The following NR5A2 variants were observed in gnomAD, a reference collection of about 807,000 sequenced individuals.
The protein encoded by NR5A2 is nuclear receptor subfamily 5 group A member 2.
In NR5A2, 26 loss-of-function variants were observed where a neutral mutation model predicts 62.7. The ratio of observed to expected loss-of-function variants is 0.41; its 90% confidence interval spans 0.30 to 0.58. NR5A2 has a LOEUF of 0.58. Among genes scored for constraint, NR5A2 ranks in the 20% least tolerant of loss-of-function variants. The probability of loss-of-function intolerance (pLI) is 0.22; values close to 1 mark genes in which losing one functional copy is unlikely to be tolerated. For missense variants in NR5A2, 541 were observed against 669.1 expected, an observed-to-expected ratio of 0.81 and a Z score of 2.11; for synonymous variants, 246 against 241.7, an observed-to-expected ratio of 1.02 and a Z score of -0.16.
chr1:200,136,443 C>A (rs1307395263), intron 7 of NR5A2, among the ~76,000 whole-genome samples: 2 of 152,184 alleles, frequency 1.3e-5, no homozygotes, highest in African/African-American at 4.8e-5. Context: ...ATCTTATTGT[C>A]CTGTATGAGC....
intron 5 of NR5A2, among the ~76,000 whole-genome samples, chr1:200,075,342 C>T (rs1663976665): frequency 6.6e-6 from 1 of 152,174 alleles, no homozygotes; most frequent in Admixed American, 6.5e-5. Context: ...CAGCAATATG[C>T]AAATTAATTT....
chr1:200,135,454 G>T (rs752188623), intron 7 of NR5A2, among the ~76,000 whole-genome samples: 7 of 151,754 alleles, frequency 4.6e-5, no homozygotes, highest in Non-Finnish European at 8.8e-5. Flanking sequence ...CTGGGAGGTG[G>T]AGGTTGCGGC....
chr1:200,114,425 C>T (rs749992567), intron 6 of NR5A2, among the ~76,000 whole-genome samples: 1 of 152,134 alleles, frequency 6.6e-6, no homozygotes, highest in African/African-American at 2.4e-5. Flanking sequence ...CTAGTGCAGA[C>T]CATGTGCTCT....
chr1:200,162,549 T>C (rs565535157), intron 7 of NR5A2, among the ~76,000 whole-genome samples: 16 of 152,180 alleles, frequency 1.1e-4, no homozygotes, highest in Non-Finnish European at 2.1e-4. Context: ...TGGATTCACA[T>C]TTAAAGTTAT....
chr1:200,159,989 A>C (rs1256470092), intron 7 of NR5A2, among the ~76,000 whole-genome samples: 1 of 152,092 alleles, frequency 6.6e-6, no homozygotes, highest in Non-Finnish European at 1.5e-5. Context: ...GCTGCTCTTT[A>C]GTTTCATGTA....
At chr1:200,100,363 A>G (rs1665309768) in intron 5 of NR5A2, among the ~76,000 whole-genome samples, 1 of 151,978 alleles carries the variant, frequency 6.6e-6, no homozygotes, top group South Asian at 2.1e-4. Context: ...AGTATTTTTA[A>G]CAGGATGTCT....
chr1:200,155,762 C>T (rs550735458), intron 7 of NR5A2, among the ~76,000 whole-genome samples: 1 of 152,158 alleles, frequency 6.6e-6, no homozygotes, highest in Non-Finnish European at 1.5e-5. Context: ...CAACCTCCAC[C>T]TTTTGGGTTC....
rs570458844 is a variant in NR5A2 at position 200,043,102 on chromosome 1, T to G, written c.203-672T>G. On this transcript the variant is annotated intron_variant, in intron 2 of 7. Transcript: ENST00000367362. ...CGTACGGGCGTCCTCTATTTTCTTT[T>G]TCCTTCTTTTTATTTTCACAGATTT... 5.9e-6 allele frequency: 4 copies of G among 678,838 alleles called. No homozygotes were observed. The African/African-American group carries it at 7.8e-5, about 13-fold the overall frequency. 42.1% of individuals were successfully genotyped at this position (678,838 alleles called of 1,614,324 possible).
At chr1:200,070,973 A>G (rs1371479548) in intron 5 of NR5A2, among the ~76,000 whole-genome samples, 3 of 152,214 alleles carry the variant, frequency 2.0e-5, no homozygotes, top group Non-Finnish European at 4.4e-5. Context: ...TATAAGAGAG[A>G]GTAAAAATGA....
chr1:200,162,342 A>G (rs1653680732), intron 7 of NR5A2, among the ~76,000 whole-genome samples: 1 of 152,084 alleles, frequency 6.6e-6, no homozygotes, highest in Non-Finnish European at 1.5e-5. Context: ...GAGATTGGTC[A>G]AAATTATCCA....
rs943481234 is a variant in NR5A2 at position 200,147,222 on chromosome 1, C to T, written c.1378+26267C>T. The stretch of plus-strand genomic sequence containing the variant: ...AATAGAGGGGGGCACCTCGCTGAAG[C>T]CAGCGAGGCCGCTGCACCACGTGGT... On this transcript the variant is annotated intron_variant, in intron 7 of 7. Coordinates refer to ENST00000367362, the MANE Select transcript of NR5A2 (RefSeq NM_205860.3). This position sits in a 1 kb window ranked among gnomAD's most constrained non-coding sequence, Gnocchi z 4.9. 1.1e-4 allele frequency among the ~76,000 whole-genome samples: 17 copies of T among 152,208 alleles called. No homozygotes were observed. The highest frequency in any genetic ancestry group is 2.6e-4 in the Admixed American group (4 of 15,284).
At chr1:200,047,332 C>A (rs3790840) in intron 4 of NR5A2, among the ~76,000 whole-genome samples, 26,139 of 152,046 alleles carry the variant, frequency 0.17, 2,519 homozygotes, top group African/African-American at 0.26. Context: ...TCCAGGTGAA[C>A]ATGATTTTCC....
intron 5 of NR5A2, among the ~76,000 whole-genome samples, chr1:200,083,459 A>C (rs1463228088): frequency 1.3e-5 from 2 of 152,216 alleles, no homozygotes; most frequent in Non-Finnish European, 2.9e-5. Flanking sequence ...TGTACATTTT[A>C]AAAACCATTT....
At chr1:200,036,714 T>C (rs1223989815) in intron 1 of NR5A2, among the ~76,000 whole-genome samples, 3 of 152,118 alleles carry the variant, frequency 2.0e-5, no homozygotes, top group Non-Finnish European at 4.4e-5. Flanking sequence ...GCGTTTCCCA[T>C]CGTCGAGTTA....
At position 200,048,941 on chromosome 1, in the gene NR5A2, C is replaced by G. The variant is rs1206135620; in HGVS notation, c.1110+123C>G. On this transcript the variant is annotated intron_variant, in intron 5 of 7. Coordinates refer to ENST00000367362, the MANE Select transcript of NR5A2 (RefSeq NM_205860.3). This position sits in a 1 kb window ranked among gnomAD's most constrained non-coding sequence, Gnocchi z 4.8. ...TTAATTTTCTACTTTGTATGATTTA[C>G]AGAGTAGACGTAATTTTATTACCTT... 2 of 1,234,970 alleles carry G rather than the reference C, an allele frequency of 1.6e-6. No individual in the cohort carries two copies. The highest frequency in any genetic ancestry group is 2.3e-5 in the Admixed American group (1 of 44,224). The allele number at this position is 1,234,970 out of a possible 1,614,324, so 76.5% of individuals were successfully genotyped here.
chr1:200,040,955 C>A (rs1662041440), intron 2 of NR5A2, among the ~76,000 whole-genome samples: 2 of 152,202 alleles, frequency 1.3e-5, no homozygotes, highest in Non-Finnish European at 2.9e-5. Flanking sequence ...TGTGAGAGTC[C>A]CCTAGAGCTG....
At chr1:200,099,620 A>G (rs754884445) in intron 5 of NR5A2, among the ~76,000 whole-genome samples, 2 of 151,938 alleles carry the variant, frequency 1.3e-5, no homozygotes, top group Non-Finnish European at 2.9e-5. Flanking sequence ...TTGAGATGGA[A>G]TCTTGCTCTG....
chr1:200,030,208 C>T (rs1176452837), intron 1 of NR5A2, among the ~76,000 whole-genome samples: 1 of 152,014 alleles, frequency 6.6e-6, no homozygotes, highest in African/African-American at 2.4e-5. Flanking sequence ...AAACCGAGCC[C>T]GGTGTATGTA....
chr1:200,151,701 G>A (rs768070181), intron 7 of NR5A2, among the ~76,000 whole-genome samples: 6 of 152,198 alleles, frequency 3.9e-5, no homozygotes, highest in Admixed American at 6.5e-5. Flanking sequence ...TTTCCAAAGT[G>A]AATATAAAGG....
Sources: allele counts gnomAD v4.1 joint callset (sites outside exome capture counted in the v4.1 genomes callset), GRCh38; gene constraint gnomAD v4.1.1; non-coding constraint Gnocchi (gnomAD v3.1); transcripts MANE v1.5; gene names NCBI Gene and HGNC (gene_info 2026-07-23, HGNC 2026-07-21).